MCF2L2: variants seen among roughly 807,000 people sequenced by gnomAD.
MCF2L2 encodes MCF.2 cell line derived transforming sequence-like 2, also known as probable guanine nucleotide exchange factor MCF2L2.
A neutral mutation model predicts 150.2 loss-of-function variants in MCF2L2; 102 were observed. The ratio of observed to expected loss-of-function variants is 0.68; its 90% CI spans 0.58 to 0.80. MCF2L2 has a LOEUF of 0.80. Among genes scored for constraint, MCF2L2 ranks in the 30% least tolerant of loss-of-function variants. The pLI is 0.00. For synonymous variants in MCF2L2, 465 were observed against 491.3 expected, an observed-to-expected ratio of 0.95 and a Z score of 0.71; for missense variants, 1,256 against 1,372.8, an observed-to-expected ratio of 0.91 and a Z score of 1.34.
chr3:183,193,368 T>TTTTTTTTTTA, intron 26 of MCF2L2, among the ~76,000 whole-genome samples: 1 of 151,464 alleles, frequency 6.6e-6, no homozygotes, highest in African/African-American at 2.4e-5. Context: ...TTTTTTTTTT[T>TTTTTTTTTTA]GAGACAGAGT....
Position 183,205,978 on chromosome 3 carries a change from C to T in MCF2L2, c.2806-24G>A, listed in dbSNP as rs144206374. 9 of 1,599,466 alleles carry T rather than the reference C, an allele frequency of 5.6e-6. No homozygotes were observed. In the African/African-American group the frequency reaches 1.1e-4, roughly 19 times the overall value. ...GCCTGCAATCACACATAAGAAAACACTATAAGACTACCATGAGTATTAATT... is the reference window on the plus strand; with the variant it reads ...GCCTGCAATCACACATAAGAAAACATTATAAGACTACCATGAGTATTAATT... On this transcript the variant is annotated intron_variant, in intron 24 of 29. Coordinates refer to ENST00000328913, the MANE Select transcript of MCF2L2 (RefSeq NM_015078.4).
chr3:183,229,802 T>G (rs1324088245), intron 16 of MCF2L2, 21 bp from the exon 17 acceptor site: 1 of 1,112,774 alleles, frequency 9.0e-7, no homozygotes, highest in Admixed American at 2.0e-5. Flanking sequence ...GCAAACAAGG[T>G]AGGTGTTACA....
At position 183,310,760 on chromosome 3, in the gene MCF2L2, G is replaced by A. The variant is rs1472455438; in HGVS notation, c.993+155C>T. 15 of 600,094 alleles carry A rather than the reference G, an allele frequency of 2.5e-5. No individual in the cohort carries two copies. In the East Asian group the frequency reaches 3.6e-4, roughly 15 times the overall value. 37.2% of individuals were successfully genotyped at this position (600,094 alleles called of 1,614,324 possible). A position where few individuals can be genotyped will look rare whatever the true frequency, so the allele number is the denominator to read the frequency against. On this transcript the variant is annotated intron_variant, in intron 9 of 29. Coordinates refer to ENST00000328913, the MANE Select transcript of MCF2L2 (RefSeq NM_015078.4). ...TTGACTCCACTGAAAAAGTGAGAAG[G>A]GGGTTGGAGGGGGTGGTCTGTAAAG...
At chr3:183,191,166 G>A (rs560531340) in intron 27 of MCF2L2, among the ~76,000 whole-genome samples, 1 of 152,212 alleles carries the variant, frequency 6.6e-6, no homozygotes, top group East Asian at 1.9e-4. Context: ...GTGAGCCACC[G>A]CACCCGGCTG....
intron 15 of MCF2L2, chr3:183,271,701 G>GA (rs1354792586): frequency 6.0e-6 from 1 of 166,932 alleles, no homozygotes; most frequent in Non-Finnish European, 1.5e-5. Flanking sequence ...TCTCTAGGGA[G>GA]AAACCATTGT....
At chr3:183,282,327 C>G (rs537941168) in intron 14 of MCF2L2, among the ~76,000 whole-genome samples, 1 of 151,196 alleles carries the variant, frequency 6.6e-6, no homozygotes, top group Admixed American at 6.6e-5. Context: ...TACAGGCACC[C>G]GCCACCACGC....
rs1160471086 is a variant in MCF2L2, at chr3:183,389,690, C to G, written c.160+6G>C. 2.5e-6 allele frequency: 4 copies of G among 1,613,432 alleles called. No individual in the cohort carries two copies. The highest frequency in any genetic ancestry group is 2.5e-6 in the Non-Finnish European group (3 of 1,179,412). On this transcript the variant is annotated splice_donor_region_variant and intron_variant, in intron 2 of 29. Coordinates refer to ENST00000328913, the MANE Select transcript of MCF2L2 (RefSeq NM_015078.4). ...ATCTGGAAATGCAAATGAATGTGCC[C>G]CTTACCTGAAAGAATGGCAAATTGT...
At chr3:183,353,762 G>A (rs1432914865) in intron 3 of MCF2L2, among the ~76,000 whole-genome samples, 1 of 152,068 alleles carries the variant, frequency 6.6e-6, no homozygotes, top group African/African-American at 2.4e-5. Context: ...ATTCGGGCAG[G>A]GACACAAATC....
At chr3:183,311,115 T>C in intron 8 of MCF2L2, 86 bp from the exon 9 acceptor site, 1 of 745,704 alleles carries the variant, frequency 1.3e-6, no homozygotes, top group East Asian at 2.6e-5. Flanking sequence ...AACACCTGTG[T>C]CTTCGGTCAG....
intron 10 of MCF2L2, among the ~76,000 whole-genome samples, chr3:183,304,462 A>ATTT (rs36115279): frequency 0.16 from 18,596 of 113,562 alleles, 1,699 homozygotes; most frequent in South Asian, 0.24. Flanking sequence ...CTGGGCAGTG[A>ATTT]TTTTTTTTTT....
chr3:183,231,758 C>T (rs956813516), intron 15 of MCF2L2, among the ~76,000 whole-genome samples: 1 of 152,128 alleles, frequency 6.6e-6, no homozygotes, highest in African/African-American at 2.4e-5. Context: ...TGTGCCAGGC[C>T]AGATCCAGAT....
chr3:183,351,230 A>ATTTATTTATT (rs1397882865), intron 3 of MCF2L2, among the ~76,000 whole-genome samples: 2 of 79,300 alleles, frequency 2.5e-5, no homozygotes, highest in Non-Finnish European at 4.5e-5. Context: ...ATATATATAT[A>ATTTATTTATT]TATATATTTA....
chr3:183,424,268 A>G (rs929220940), intron 1 of MCF2L2, among the ~76,000 whole-genome samples: 30 of 152,114 alleles, frequency 2.0e-4, no homozygotes, highest in African/African-American at 7.2e-4. Context: ...TGAACTGCAT[A>G]TTTTATAAGA....
intron 1 of MCF2L2, among the ~76,000 whole-genome samples, chr3:183,402,071 G>T (rs189552265): frequency 1.3e-5 from 2 of 152,304 alleles, no homozygotes; most frequent in African/African-American, 4.8e-5. Flanking sequence ...AGTAATTAGA[G>T]CTAGTTCTTT....
intron 3 of MCF2L2, among the ~76,000 whole-genome samples, chr3:183,371,511 A>T (rs1378076486): frequency 1.5e-5 from 2 of 137,176 alleles, no homozygotes; most frequent in Non-Finnish European, 3.0e-5. Flanking sequence ...TGTGTCACCC[A>T]GGCTGTAGTG....
chr3:183,263,099 T>C (rs1471045868), intron 15 of MCF2L2, among the ~76,000 whole-genome samples: 1 of 152,042 alleles, frequency 6.6e-6, no homozygotes, highest in Non-Finnish European at 1.5e-5. Flanking sequence ...GAGTGTACTA[T>C]AGAGTGAGTA....
intron 15 of MCF2L2, among the ~76,000 whole-genome samples, chr3:183,263,443 G>C (rs1048759692): frequency 7.9e-5 from 12 of 152,056 alleles, no homozygotes; most frequent in Non-Finnish European, 1.3e-4. Flanking sequence ...TCCAAGACCA[G>C]GGCCTTGTTT....
intron 4 of MCF2L2, among the ~76,000 whole-genome samples, chr3:183,340,124 G>A (rs934297401): frequency 6.6e-6 from 1 of 152,162 alleles, no homozygotes; most frequent in Non-Finnish European, 1.5e-5. Flanking sequence ...GCAATGGGAG[G>A]ACTCTCTTCC....
At chr3:183,379,207 T>C in intron 3 of MCF2L2, 90 bp downstream of exon 3, 2 of 875,278 alleles carry the variant, frequency 2.3e-6, no homozygotes, top group Non-Finnish European at 3.5e-6. Flanking sequence ...ACCATGCTCA[T>C]GGAAGTATAT....
Sources: gnomAD v4.1 joint callset for allele counts (sites outside exome capture counted in the v4.1 genomes callset) on GRCh38, gnomAD v4.1.1 for gene constraint, MANE v1.5 for transcripts, NCBI Gene and HGNC (gene_info 2026-07-23, HGNC 2026-07-21) for gene names.